GALNTL6: variants seen among roughly 807,000 people sequenced by gnomAD.
GALNTL6 encodes the protein polypeptide N-acetylgalactosaminyltransferase-like 6.
A neutral mutation model predicts 73.7 loss-of-function variants in GALNTL6; 46 were observed. That is an observed-to-expected ratio of 0.62 (90% CI 0.49 to 0.80). The LOEUF is 0.80. GALNTL6 is among the 30% of genes least tolerant of loss of function. The pLI is 0.00. For synonymous variants in GALNTL6, 259 were observed against 263.7 expected, an observed-to-expected ratio of 0.98 and a Z score of 0.17; for missense variants, 604 against 755.0, an observed-to-expected ratio of 0.80 and a Z score of 2.34.
In GALNTL6 at chr4:173,026,591, T is replaced by G. The variant is rs566158730; in HGVS notation, c.1638+4966T>G. Among the ~76,000 whole-genome samples, 16 of 152,366 alleles carry G rather than the reference T, an allele frequency of 1.1e-4. No individual in the cohort carries two copies. The South Asian group carries it at 3.1e-3, about 30-fold the overall frequency. On this transcript the variant is annotated intron_variant, in intron 12 of 12. Transcript: ENST00000506823. ...GCATCCTCACCAACACTTGGTATTG[T>G]CAGTTTCTTTTTCTTTTTTATTCTG...
intron 5 of GALNTL6, among the ~76,000 whole-genome samples, chr4:172,694,417 A>C (rs910840050): frequency 1.3e-5 from 2 of 151,888 alleles, no homozygotes; most frequent in Admixed American, 1.3e-4. Context: ...TTTCTGTGTT[A>C]GTTTGCTGAG....
In GALNTL6 at chr4:171,938,089, C is replaced by T. The variant is rs1488817142; in HGVS notation, c.138+123371C>T. 2.0e-5 allele frequency among the ~76,000 whole-genome samples: 3 copies of T among 152,192 alleles called. No individual in the cohort carries two copies. The East Asian group carries it at 5.8e-4, about 29-fold the overall frequency. On this transcript the variant is annotated intron_variant, in intron 2 of 12. Coordinates refer to ENST00000506823, the MANE Select transcript of GALNTL6 (RefSeq NM_001034845.3). ...AAAACACACCAAAGATGTTTAGGAA[C>T]AGTTGGATTTTTTCTTTTTTTTAAG...
intron 3 of GALNTL6, among the ~76,000 whole-genome samples, chr4:172,297,826 G>C (rs1423991931): frequency 6.6e-6 from 1 of 152,118 alleles, no homozygotes; most frequent in African/African-American, 2.4e-5. Context: ...GATTGACTTG[G>C]CAATGTGGGC....
At chr4:172,459,950 C>T (rs1158500859) in intron 5 of GALNTL6, among the ~76,000 whole-genome samples, 3 of 152,196 alleles carry the variant, frequency 2.0e-5, no homozygotes, top group Non-Finnish European at 4.4e-5. Flanking sequence ...CATCACGCTA[C>T]CTGACTTCAA....
chr4:171,854,033 G>A (rs952660050), intron 2 of GALNTL6, among the ~76,000 whole-genome samples: 2 of 152,104 alleles, frequency 1.3e-5, no homozygotes, highest in African/African-American at 2.4e-5. Flanking sequence ...ACAATGTCCA[G>A]TAAAATTTCA....
intron 5 of GALNTL6, among the ~76,000 whole-genome samples, chr4:172,758,046 T>C (rs1330967024): frequency 1.3e-5 from 2 of 152,178 alleles, no homozygotes; most frequent in Non-Finnish European, 2.9e-5. Context: ...ACTGCAGTTT[T>C]TTCCCTCTCT....
chr4:172,276,828 A>T (rs1021862330), intron 3 of GALNTL6, among the ~76,000 whole-genome samples: 1 of 152,140 alleles, frequency 6.6e-6, no homozygotes, highest in Admixed American at 6.6e-5. Flanking sequence ...CCAATCACCT[A>T]GATGATTAAT....
At chr4:171,871,146 A>G (rs1736123392) in intron 2 of GALNTL6, among the ~76,000 whole-genome samples, 1 of 152,138 alleles carries the variant, frequency 6.6e-6, no homozygotes, top group African/African-American at 2.4e-5. Context: ...GTCCCTTCTT[A>G]TTTGTGGGGA....
chr4:172,602,165 A>T (rs1275245251), intron 5 of GALNTL6, among the ~76,000 whole-genome samples: 1 of 152,126 alleles, frequency 6.6e-6, no homozygotes, highest in African/African-American at 2.4e-5. Flanking sequence ...GACAAAAGAA[A>T]CAAAGAGTGT....
intron 3 of GALNTL6, among the ~76,000 whole-genome samples, chr4:172,256,292 A>T (rs1230865816): frequency 6.6e-6 from 1 of 151,398 alleles, no homozygotes; most frequent in Non-Finnish European, 1.5e-5. Context: ...ATCTCCATTG[A>T]TAACACTCCA....
chr4:172,870,495 C>T (rs1744869246), intron 7 of GALNTL6, among the ~76,000 whole-genome samples: 1 of 152,338 alleles, frequency 6.6e-6, no homozygotes, highest in East Asian at 1.9e-4. Context: ...TATTTTACAA[C>T]ACAAGACTAT....
At chr4:172,473,468 A>C (rs1281640257) in intron 5 of GALNTL6, among the ~76,000 whole-genome samples, 2 of 152,068 alleles carry the variant, frequency 1.3e-5, no homozygotes, top group Non-Finnish European at 2.9e-5. Flanking sequence ...GTATCACTCC[A>C]CTGAAACTTC....
At chr4:171,887,683 G>A (rs955400103) in intron 2 of GALNTL6, among the ~76,000 whole-genome samples, 5 of 152,098 alleles carry the variant, frequency 3.3e-5, no homozygotes, top group Non-Finnish European at 7.4e-5. Flanking sequence ...TGGTAAAATT[G>A]TTTCAAATAC....
chr4:172,518,084 G>A (rs1000664333), intron 5 of GALNTL6, among the ~76,000 whole-genome samples: 16 of 151,654 alleles, frequency 1.1e-4, no homozygotes, highest in Admixed American at 4.6e-4. Context: ...ACTATAAATC[G>A]TGCTTTCTTT....
chr4:172,795,465 G>A (rs554265021), intron 5 of GALNTL6, among the ~76,000 whole-genome samples: 141 of 152,216 alleles, frequency 9.3e-4, no homozygotes, highest in African/African-American at 3.4e-3. Context: ...TTTAATATCT[G>A]CTTGGCTACT....
At chr4:172,614,373 T>G (rs903193297) in intron 5 of GALNTL6, among the ~76,000 whole-genome samples, 1 of 152,162 alleles carries the variant, frequency 6.6e-6, no homozygotes, top group Admixed American at 6.6e-5. Flanking sequence ...GGCCACTAAT[T>G]CATCAGAGCA....
chr4:172,056,509 T>A (rs1731022790), intron 2 of GALNTL6, among the ~76,000 whole-genome samples: 1 of 152,090 alleles, frequency 6.6e-6, no homozygotes, highest in South Asian at 2.1e-4. Context: ...ATTATTTGGA[T>A]CAGAGTCTAT....
intron 8 of GALNTL6, among the ~76,000 whole-genome samples, chr4:172,918,096 G>A (rs1747617810): frequency 6.6e-6 from 1 of 152,062 alleles, no homozygotes; most frequent in African/African-American, 2.4e-5. Flanking sequence ...GTAGGGACAT[G>A]GATGAAGCTG....
At chr4:172,148,476 C>T (rs972708245) in intron 2 of GALNTL6, among the ~76,000 whole-genome samples, 3 of 152,182 alleles carry the variant, frequency 2.0e-5, no homozygotes, top group African/African-American at 7.2e-5. Context: ...GGAAAGTTAT[C>T]TGGCCATCCA....
Sources: gnomAD v4.1 joint callset for allele counts (sites outside exome capture counted in the v4.1 genomes callset) on GRCh38, gnomAD v4.1.1 for gene constraint, MANE v1.5 for transcripts, NCBI Gene and HGNC (gene_info 2026-07-23, HGNC 2026-07-21) for gene names.